The following AGPAT4 variants were observed in gnomAD, a reference collection of about 807,000 sequenced individuals.
The protein encoded by AGPAT4 is 1-acyl-sn-glycerol-3-phosphate acyltransferase delta.
AGPAT4 carries 15 observed loss-of-function variants against 48.0 expected under a neutral mutation model. The ratio of observed to expected loss-of-function variants is 0.31; its 90% CI spans 0.21 to 0.48. The LOEUF (loss-of-function observed/expected upper bound fraction) is 0.48, where lower values mean the gene tolerates loss of function less well. AGPAT4 is among the 20% of genes least tolerant of loss of function. The pLI, the probability that AGPAT4 is intolerant of heterozygous loss-of-function variation, is 0.99. For missense variants in AGPAT4, 314 were observed against 482.5 expected (o/e 0.65, Z 3.27); for synonymous variants, 178 against 198.7 (o/e 0.90, Z 0.88).
At chr6:161,160,949 T>TA (rs556694733) in intron 3 of AGPAT4, 1 of 455,778 alleles carries the variant, frequency 2.2e-6, no homozygotes, top group Non-Finnish European at 4.4e-6. Flanking sequence ...ACCCTATAGA[T>TA]AATAGGTGCT....
Position 161,149,170 on chromosome 6 carries a change from G to A in AGPAT4, c.767+17C>T. The A allele has an allele frequency of 6.2e-7, 1 of 1,608,536 alleles. No individual in the cohort carries two copies. Among genetic ancestry groups the A allele is most frequent in the Non-Finnish European group, 8.5e-7 (1 of 1,178,484 alleles). On this transcript the variant is annotated intron_variant, in intron 6 of 8. Coordinates refer to ENST00000320285, the MANE Select transcript of AGPAT4 (RefSeq NM_020133.3). The surrounding 1 kb of genome is among the most constrained non-coding windows in gnomAD (Gnocchi z 6.5). ...AATGGGCACTGTCTTTTCTGGAAAG[G>A]AAACAGTTCGACTTACCTAACATAC...
chr6:161,160,683 G>T (rs1254575045), intron 3 of AGPAT4: 1 of 319,020 alleles, frequency 3.1e-6, no homozygotes, highest in African/African-American at 2.2e-5. Flanking sequence ...GCTTTGAGGG[G>T]TCACGGTCAC....
At chr6:161,186,180 C>T (rs1356848067) in intron 2 of AGPAT4, among the ~76,000 whole-genome samples, 1 of 152,158 alleles carries the variant, frequency 6.6e-6, no homozygotes, top group Non-Finnish European at 1.5e-5. Context: ...AGCTCCAACC[C>T]CCATGCCTCA....
chr6:161,136,266 A>G lies in AGPAT4; in HGVS notation c.*274T>C, dbSNP rs571687508. 1.0e-4 allele frequency: 47 copies of G among 449,118 alleles called. No homozygotes were observed. The highest frequency in any genetic ancestry group is 1.7e-4 in the Non-Finnish European group (42 of 245,568). 27.8% of individuals were successfully genotyped at this position (449,118 alleles called of 1,614,324 possible). ...AGCCTAAAATACCCTTTCTATGATC[A>G]CAGAACAAAGTTCACACTCACCACA... is the stretch of plus-strand genomic sequence containing the variant. On this transcript the variant is annotated 3_prime_UTR_variant, in exon 9 of 9. Coordinates refer to ENST00000320285, the MANE Select transcript of AGPAT4 (RefSeq NM_020133.3).
rs1699197015 is a variant in AGPAT4 at position 161,131,636 on chromosome 6, G to C, written c.*4904C>G. On this transcript the variant is annotated 3_prime_UTR_variant, in exon 9 of 9. Coordinates refer to ENST00000320285, the MANE Select transcript of AGPAT4 (RefSeq NM_020133.3). ...TCAGGAGCCCATCCCTGTGCTCAGAGAGATGGGACTCCAATGAGGAGACAC... is the reference window on the plus strand; with the variant it reads ...TCAGGAGCCCATCCCTGTGCTCAGACAGATGGGACTCCAATGAGGAGACAC... The C allele has an allele frequency of 6.6e-6, 1 of 152,212 alleles. No individual in the cohort carries two copies. Among genetic ancestry groups the C allele is most frequent in the South Asian group, 2.1e-4 (1 of 4,824 alleles). The allele number at this position is 152,212 out of a possible 1,614,324, so 9.4% of individuals were successfully genotyped here. A position where few individuals can be genotyped will look rare whatever the true frequency, so the allele number is the denominator to read the frequency against.
At position 161,166,928 on chromosome 6, in the gene AGPAT4, A is replaced by C. The variant is rs1233582495; in HGVS notation, c.179-511T>G. ...GCAGGAGCCCCAGCACCTGCAGGGC[A>C]GCGGGAGTGAGAGTCAGCCCACAGC... On this transcript the variant is annotated intron_variant, in intron 2 of 8. Coordinates refer to ENST00000320285, the MANE Select transcript of AGPAT4 (RefSeq NM_020133.3). The surrounding 1 kb of genome is among the most constrained non-coding windows in gnomAD (Gnocchi z 6.7). 6.6e-6 allele frequency among the ~76,000 whole-genome samples: 1 copy of C among 152,234 alleles called. No individual in the cohort carries two copies. Among genetic ancestry groups the C allele is most frequent in the Admixed American group, 6.5e-5 (1 of 15,292 alleles).
rs947768970 is a variant in AGPAT4 at position 161,139,944 on chromosome 6, G to C, written c.844-324C>G. ...TCTGTGGGCAGGCACCTGCATCCCTGAGCCCAGGCCCCAGTCTGTCTAATG... is the reference window on the plus strand; with the variant it reads ...TCTGTGGGCAGGCACCTGCATCCCTCAGCCCAGGCCCCAGTCTGTCTAATG... On this transcript the variant is annotated intron_variant, in intron 7 of 8. Coordinates refer to ENST00000320285, the MANE Select transcript of AGPAT4 (RefSeq NM_020133.3). This position sits in a 1 kb window ranked among gnomAD's most constrained non-coding sequence, Gnocchi z 9.1. Among the ~76,000 whole-genome samples the C allele has an allele frequency of 6.6e-6, 1 of 152,234 alleles. No homozygotes were observed. Among genetic ancestry groups the C allele is most frequent in the East Asian group, 1.9e-4 (1 of 5,186 alleles).
chr6:161,156,771 T>A (rs974610577), intron 3 of AGPAT4, among the ~76,000 whole-genome samples: 2 of 152,240 alleles, frequency 1.3e-5, no homozygotes, highest in African/African-American at 4.8e-5. Flanking sequence ...TTTACCAGAA[T>A]GAGGGCAAGG....
At position 161,217,468 on chromosome 6, in the gene AGPAT4, C is replaced by G. The variant is rs1268938824; in HGVS notation, c.178+14568G>C. ...CAACGTTGCAGGCGATATCCAAGCC[C>G]AAAAGACATGCTTCTCCCTGTGTGT... On this transcript the variant is annotated intron_variant, in intron 2 of 8. Transcript: ENST00000320285. The surrounding 1 kb of genome is among the most constrained non-coding windows in gnomAD (Gnocchi z 4.9). Among the ~76,000 whole-genome samples, 2 of 152,172 alleles carry G rather than the reference C, an allele frequency of 1.3e-5. No homozygotes were observed. The highest frequency in any genetic ancestry group is 2.9e-5 in the Non-Finnish European group (2 of 68,040).
At position 161,135,789 on chromosome 6, in the gene AGPAT4, T is replaced by TA. The variant is rs1360074807; in HGVS notation, c.*750dup. 1.3e-5 allele frequency: 2 copies of TA among 152,074 alleles called. No individual in the cohort carries two copies. The highest frequency in any genetic ancestry group is 1.9e-4 in the East Asian group (1 of 5,194). 9.4% of individuals were successfully genotyped at this position (152,074 alleles called of 1,614,324 possible). ...GGGAGTTGGGTCCATCTTCAAGACTTACGCCAGGAGACTGCACTGCAGAGA... is the reference window on the plus strand; with the variant it reads ...GGGAGTTGGGTCCATCTTCAAGACTTAACGCCAGGAGACTGCACTGCAGAGA... On this transcript the variant is annotated 3_prime_UTR_variant, in exon 9 of 9. Transcript: ENST00000320285.
In AGPAT4 at chr6:161,154,454, C is replaced by T. The variant is rs529416136; in HGVS notation, c.349-144G>A. On this transcript the variant is annotated intron_variant, in intron 3 of 8. Transcript: ENST00000320285. This position sits in a 1 kb window ranked among gnomAD's most constrained non-coding sequence, Gnocchi z 7.8. ...AGTCCCAGAACACATGCTGTCGAGG[C>T]CATGGACCCTGGTGCCCTCCCCACC... 20 of 926,474 alleles carry T rather than the reference C, an allele frequency of 2.2e-5. No homozygotes were observed. The highest frequency in any genetic ancestry group is 8.1e-5 in the Admixed American group (3 of 37,230). 57.4% of individuals were successfully genotyped at this position (926,474 alleles called of 1,614,324 possible).
In AGPAT4 at chr6:161,185,044, G is replaced by A. The variant is rs78520131; in HGVS notation, c.179-18627C>T. On this transcript the variant is annotated intron_variant, in intron 2 of 8. Transcript: ENST00000320285. ...AAGGAAAAAAGAGGTTGGGTGGAGC[G>A]GGGGGTCTGTTCTAAATTAAGAGAA... Among the ~76,000 whole-genome samples the A allele has an allele frequency of 8.9e-3, 1,343 of 151,656 alleles. 12 individuals are homozygous for A. Among genetic ancestry groups the A allele is most frequent in the African/African-American group, 0.031 (1,294 of 41,300 alleles).
At chr6:161,192,421 G>A (rs554740573) in intron 2 of AGPAT4, among the ~76,000 whole-genome samples, 47 of 152,236 alleles carry the variant, frequency 3.1e-4, no homozygotes, top group African/African-American at 1.1e-3. Context: ...AAAGTGCTGG[G>A]ATTACAGGGG....
chr6:161,151,844 G>A (rs11965126), intron 5 of AGPAT4, among the ~76,000 whole-genome samples: 5,458 of 152,276 alleles, frequency 0.036, 319 homozygotes, highest in African/African-American at 0.12. Context: ...AGCGGGGGAC[G>A]AGCAATGGGG....
intron 3 of AGPAT4, chr6:161,160,613 G>A (rs569227529): frequency 2.1e-4 from 44 of 206,982 alleles, no homozygotes; most frequent in African/African-American, 8.5e-4. Flanking sequence ...GCAGATGTGC[G>A]GAGAGGAGAA....
chr6:161,209,351 G>A (rs1020073787), intron 2 of AGPAT4, among the ~76,000 whole-genome samples: 3 of 152,188 alleles, frequency 2.0e-5, no homozygotes, highest in Non-Finnish European at 2.9e-5. Flanking sequence ...GGATAAAAGG[G>A]CTTCATTACC....
intron 2 of AGPAT4, among the ~76,000 whole-genome samples, chr6:161,209,648 C>G (rs935723776): frequency 6.6e-6 from 1 of 152,160 alleles, no homozygotes; most frequent in Non-Finnish European, 1.5e-5. Context: ...CCTCGAGGGT[C>G]AGACAGGCAA....
Position 161,220,909 on chromosome 6 carries a change from G to A in AGPAT4, c.178+11127C>T, listed in dbSNP as rs549597454. Among the ~76,000 whole-genome samples, 5 of 152,054 alleles carry A rather than the reference G, an allele frequency of 3.3e-5. No individual in the cohort carries two copies. Among genetic ancestry groups the A allele is most frequent in the South Asian group, 4.2e-4 (2 of 4,804 alleles). On this transcript the variant is annotated intron_variant, in intron 2 of 8. Coordinates refer to ENST00000320285, the MANE Select transcript of AGPAT4 (RefSeq NM_020133.3). This position sits in a 1 kb window ranked among gnomAD's most constrained non-coding sequence, Gnocchi z 6.0. ...AGCAATTCTCCTGCCTCAGTCTCCC[G>A]AGTAGCTGGGATTACAGGCGCGTGC...
rs997268813 is a variant in AGPAT4 at position 161,180,714 on chromosome 6, C to T, written c.179-14297G>A. Among the ~76,000 whole-genome samples the T allele has an allele frequency of 4.6e-5, 7 of 152,184 alleles. No individual in the cohort carries two copies. Among genetic ancestry groups the T allele is most frequent in the African/African-American group, 9.6e-5 (4 of 41,526 alleles). ...AATGTGGTGTCATTCTTCCCTGTAG[C>T]GGTGCTGGAGGGCCGGGTCTCTCTC... On this transcript the variant is annotated intron_variant, in intron 2 of 8. Transcript: ENST00000320285. The surrounding 1 kb of genome is among the most constrained non-coding windows in gnomAD (Gnocchi z 6.4).
Sources: gnomAD v4.1 joint callset for allele counts (sites outside exome capture counted in the v4.1 genomes callset) on GRCh38, gnomAD v4.1.1 for gene constraint, Gnocchi (gnomAD v3.1) non-coding constraint, MANE v1.5 for transcripts, NCBI Gene and HGNC (gene_info 2026-07-23, HGNC 2026-07-21) for gene names.